BCAT1: variants seen among roughly 807,000 people sequenced by gnomAD.
BCAT1 encodes branched-chain-amino-acid aminotransferase, cytosolic.
BCAT1 carries 48 observed loss-of-function variants against 52.4 expected under a neutral mutation model. The observed-to-expected ratio is 0.92, with a 90% CI of 0.73 to 1.16. The LOEUF (loss-of-function observed/expected upper bound fraction) is 1.16, where lower values mean the gene tolerates loss of function less well. Ranked by LOEUF, BCAT1 falls within the 50% of genes most tolerant of loss-of-function variation. BCAT1 has a pLI of 0.00. For synonymous variants in BCAT1, 167 were observed against 161.3 expected, an observed-to-expected ratio of 1.04 and a Z score of -0.27; for missense variants, 451 against 457.1, an observed-to-expected ratio of 0.99 and a Z score of 0.12.
chr12:24,926,170 G>A (rs532276082), intron 1 of BCAT1, among the ~76,000 whole-genome samples: 28 of 148,104 alleles, frequency 1.9e-4, no homozygotes, highest in African/African-American at 4.5e-4. Context: ...GCCGCCCATC[G>A]TCTGAGATGT....
intron 5 of BCAT1, among the ~76,000 whole-genome samples, chr12:24,877,929 G>T (rs1232547106): frequency 6.6e-6 from 1 of 152,138 alleles, no homozygotes; most frequent in Non-Finnish European, 1.5e-5. Flanking sequence ...CAAGGTGGGA[G>T]GATTGCTAGA....
chr12:24,949,019 G>T lies in BCAT1; in HGVS notation c.-87C>A, dbSNP rs917311767. 3.5e-6 allele frequency: 5 copies of T among 1,436,660 alleles called. No individual in the cohort carries two copies. Among genetic ancestry groups the T allele is most frequent in the Non-Finnish European group, 4.8e-6 (5 of 1,045,874 alleles). The allele number at this position is 1,436,660 out of a possible 1,614,324, so 89.0% of individuals were successfully genotyped here. A position where few individuals can be genotyped will look rare whatever the true frequency, so the allele number is the denominator to read the frequency against. ...CCCTGGCCGTGTGGACCGGGTCTGC[G>T]GCTGCAGAGCGCGGTCCCGGCTGCA... On this transcript the variant is annotated 5_prime_UTR_variant, in exon 1 of 11. Transcript: ENST00000261192.
At chr12:24,906,072 C>T (rs777631354) in intron 1 of BCAT1, among the ~76,000 whole-genome samples, 2 of 151,126 alleles carry the variant, frequency 1.3e-5, no homozygotes, top group Admixed American at 1.3e-4. Flanking sequence ...GCCTGTAGTC[C>T]CAGCTACTCA....
At chr12:24,851,742 T>C (rs982884733) in intron 5 of BCAT1, among the ~76,000 whole-genome samples, 1 of 152,232 alleles carries the variant, frequency 6.6e-6, no homozygotes, top group Admixed American at 6.5e-5. Context: ...AAGCTTCATT[T>C]GCCTTTTTGG....
At chr12:24,946,034 A>T (rs1943928994) in intron 1 of BCAT1, among the ~76,000 whole-genome samples, 2 of 152,302 alleles carry the variant, frequency 1.3e-5, no homozygotes, top group African/African-American at 4.8e-5. Context: ...AGGGAAATAA[A>T]GAAAGTTCTT....
At chr12:24,918,529 T>C (rs1943452853) in intron 1 of BCAT1, among the ~76,000 whole-genome samples, 1 of 152,202 alleles carries the variant, frequency 6.6e-6, no homozygotes, top group African/African-American at 2.4e-5. Flanking sequence ...ATAAGCCTCA[T>C]GTCTCTCTTG....
At chr12:24,872,985 A>G (rs932714928) in intron 5 of BCAT1, among the ~76,000 whole-genome samples, 10 of 152,234 alleles carry the variant, frequency 6.6e-5, no homozygotes, top group African/African-American at 2.2e-4. Flanking sequence ...TATGGTCAAG[A>G]CACCTCTACA....
chr12:24,832,729 T>C lies in BCAT1; in HGVS notation c.1038A>G (p.Lys346=). ...GAGGAAATACTTGTCGTACCTCGCC[T>C]TTGTACAGTATATCAGAAACTGGGC... The part of the protein sequence containing the change: ...VVCPVSDILY[K]GETIHIPTME... Residue 346 remains lysine (K), a synonymous_variant, in exon 9 of 11, where the codon AAA becomes AAG. Transcript: ENST00000261192. The C allele has an allele frequency of 6.2e-7, 1 of 1,609,860 alleles. No individual in the cohort carries two copies. The highest frequency in any genetic ancestry group is 8.5e-7 in the Non-Finnish European group (1 of 1,177,994).
intron 6 of BCAT1, 139 bp from the exon 7 acceptor site, chr12:24,842,363 C>G (rs1245629709): frequency 3.3e-6 from 3 of 900,032 alleles, no homozygotes; most frequent in African/African-American, 3.4e-5. Flanking sequence ...TATACACTCT[C>G]TAGTCAACTG....
In BCAT1 at chr12:24,936,723, T is replaced by A. The variant is rs200811197; in HGVS notation, c.6+12204A>T. Among the ~76,000 whole-genome samples the A allele has an allele frequency of 1.1e-3, 163 of 141,914 alleles. 1 individual carries two copies. The highest frequency in any genetic ancestry group is 3.8e-3 in the African/African-American group (150 of 39,968). 93.1% of individuals were successfully genotyped at this position (141,914 alleles called of 152,430 possible). On this transcript the variant is annotated intron_variant, in intron 1 of 10. Transcript: ENST00000261192. ...CTCTTTAAATCTCAATCTCTCTCTC[T>A]CACACACACACACACACATACACAC...
At chr12:24,851,523 G>T (rs1374943230) in intron 5 of BCAT1, among the ~76,000 whole-genome samples, 2 of 152,186 alleles carry the variant, frequency 1.3e-5, no homozygotes, top group African/African-American at 4.8e-5. Flanking sequence ...TTAGGAAATG[G>T]GAAGGTAATT....
At chr12:24,948,042 G>A (rs750919832) in intron 1 of BCAT1, among the ~76,000 whole-genome samples, 4 of 152,206 alleles carry the variant, frequency 2.6e-5, no homozygotes, top group African/African-American at 7.2e-5. Context: ...GAGCAGTTGA[G>A]AACCACGCTT....
chr12:24,843,471 C>T (rs10047590), intron 6 of BCAT1, among the ~76,000 whole-genome samples: 23,753 of 151,884 alleles, frequency 0.16, 2,154 homozygotes, highest in Middle Eastern at 0.26. Flanking sequence ...GGCGTGGTGG[C>T]GGGTGCCTAT....
At chr12:24,856,370 C>T (rs1178013352) in intron 5 of BCAT1, among the ~76,000 whole-genome samples, 1 of 152,164 alleles carries the variant, frequency 6.6e-6, no homozygotes, top group Non-Finnish European at 1.5e-5. Flanking sequence ...CCTTCCAATG[C>T]CCTCCTATTA....
At chr12:24,916,980 C>G (rs1191955795) in intron 1 of BCAT1, among the ~76,000 whole-genome samples, 1 of 151,932 alleles carries the variant, frequency 6.6e-6, no homozygotes, top group Non-Finnish European at 1.5e-5. Flanking sequence ...TATACTTTAC[C>G]CCAATGCTGT....
At chr12:24,872,972 G>T (rs928727996) in intron 5 of BCAT1, among the ~76,000 whole-genome samples, 4 of 152,190 alleles carry the variant, frequency 2.6e-5, no homozygotes, top group Admixed American at 2.6e-4. Flanking sequence ...TTCTGCTATT[G>T]ACTATGGTCA....
At chr12:24,873,054 C>T (rs568331265) in intron 5 of BCAT1, among the ~76,000 whole-genome samples, 26 of 152,326 alleles carry the variant, frequency 1.7e-4, no homozygotes, top group African/African-American at 6.0e-4. Flanking sequence ...TGTGTTTGTA[C>T]CACTGTACCT....
At chr12:24,917,195 C>CTTTTTTTTT (rs60491814) in intron 1 of BCAT1, among the ~76,000 whole-genome samples, 1 of 103,530 alleles carries the variant, frequency 9.7e-6, no homozygotes, top group Non-Finnish European at 1.8e-5. Flanking sequence ...GAGCTTTGGA[C>CTTTTTTTTT]TTTTTTTTTT....
At chr12:24,857,667 G>A (rs980326504) in intron 5 of BCAT1, among the ~76,000 whole-genome samples, 11 of 152,180 alleles carry the variant, frequency 7.2e-5, no homozygotes, top group African/African-American at 2.7e-4. Context: ...GAGCACCACA[G>A]GCTCCATTTT....
Sources: gnomAD v4.1 joint callset for allele counts (sites outside exome capture counted in the v4.1 genomes callset) on GRCh38, gnomAD v4.1.1 for gene constraint, MANE v1.5 for transcripts, NCBI Gene and HGNC (gene_info 2026-07-23, HGNC 2026-07-21) for gene names.